The following KANK1 variants were observed in gnomAD, a reference collection of about 807,000 sequenced individuals.
KANK1 encodes KN motif and ankyrin repeat domains 1, also known as KN motif and ankyrin repeat domain-containing protein 1.
Under a neutral mutation model 106.2 loss-of-function variants are expected in KANK1, and 109 were observed. That is an observed-to-expected ratio of 1.03 (90% CI 0.88 to 1.20). The LOEUF (loss-of-function observed/expected upper bound fraction) is 1.20, where lower values mean the gene tolerates loss of function less well. Ranked by LOEUF, KANK1 falls within the 50% of genes most tolerant of loss-of-function variation. The pLI is 0.00. For missense variants in KANK1, 2,399 were observed against 1,710.7 expected (o/e 1.40, Z -7.10); for synonymous variants, 873 against 652.2 (o/e 1.34, Z -5.16).
chr9:579,367 A>G (rs1460159733), intron 1 of KANK1, among the ~76,000 whole-genome samples: 2 of 152,186 alleles, frequency 1.3e-5, no homozygotes, highest in African/African-American at 4.8e-5. Context: ...AGTCCTCCCC[A>G]AAATCCAGGA....
rs779591869 is a variant in KANK1 at position 713,157 on chromosome 9, G to A, written c.2391G>A (p.Val797=). 20 of 1,591,018 alleles carry A rather than the reference G, an allele frequency of 1.3e-5. No homozygotes were observed. Among genetic ancestry groups the A allele is most frequent in the Non-Finnish European group, 1.6e-5 (19 of 1,167,584 alleles). ...TVGLTASRRS[V]GVGDDPVGES... ...GGCTGACAGCCAGCAGAAGGAGCGTGGGGGTTGGGGATGACCCTGTAGGGG... is the reference window on the plus strand; with the variant it reads ...GGCTGACAGCCAGCAGAAGGAGCGTAGGGGTTGGGGATGACCCTGTAGGGG... Residue 797 remains valine, a synonymous_variant, in exon 3 of 12, where the codon GTG becomes GTA. Transcript: ENST00000382297.
At chr9:627,416 C>A (rs1219032908) in intron 1 of KANK1, among the ~76,000 whole-genome samples, 1 of 152,098 alleles carries the variant, frequency 6.6e-6, no homozygotes, top group Non-Finnish European at 1.5e-5. Flanking sequence ...CCCCCTCCCA[C>A]TGGAAGCATT....
intron 1 of KANK1, among the ~76,000 whole-genome samples, chr9:552,325 G>A (rs1270313811): frequency 6.6e-6 from 1 of 152,126 alleles, no homozygotes; most frequent in South Asian, 2.1e-4. Context: ...GAGGTTCCAA[G>A]GACCTGCCTA....
chr9:693,808 A>G (rs1348809458), intron 2 of KANK1: 1 of 985,248 alleles, frequency 1.0e-6, no homozygotes, highest in Non-Finnish European at 1.2e-6. Flanking sequence ...TGCCCACAAA[A>G]GAAAGAGAGG....
chr9:559,564 C>G (rs901986245), intron 1 of KANK1, among the ~76,000 whole-genome samples: 1 of 152,140 alleles, frequency 6.6e-6, no homozygotes, highest in Non-Finnish European at 1.5e-5. Context: ...GCTGTATAAA[C>G]CTTAAACCTC....
At chr9:665,895 A>G (rs1264546027) in intron 1 of KANK1, among the ~76,000 whole-genome samples, 2 of 152,260 alleles carry the variant, frequency 1.3e-5, no homozygotes, top group East Asian at 3.9e-4. Context: ...ATTGATTCTC[A>G]GGGGCCAGGC....
chr9:704,989 T>C (rs1279912429), intron 2 of KANK1, among the ~76,000 whole-genome samples: 1 of 66,478 alleles, frequency 1.5e-5, no homozygotes, highest in Non-Finnish European at 2.7e-5. Context: ...TCGGACCCTG[T>C]CTCAAAAAAA....
rs1383632034 is a variant in KANK1 at position 525,286 on chromosome 9, C to T, written c.-84+20532C>T. Among the ~76,000 whole-genome samples, 3 of 151,512 alleles carry T rather than the reference C, an allele frequency of 2.0e-5. No individual in the cohort carries two copies. The East Asian group carries it at 5.8e-4, about 29-fold the overall frequency. ...CTGGGATTACAGGCGTGAGCTACTG[C>T]TCCCAGCCAACTCTTGCTTCTTAAA... On this transcript the variant is annotated intron_variant, in intron 1 of 11. Coordinates refer to ENST00000382297, the MANE Select transcript of KANK1 (RefSeq NM_015158.5).
intron 1 of KANK1, among the ~76,000 whole-genome samples, chr9:608,998 T>C (rs551949536): frequency 2.6e-5 from 4 of 152,310 alleles, no homozygotes; most frequent in African/African-American, 7.2e-5. Flanking sequence ...ACTGCTGATA[T>C]CCTTCCTTGT....
At chr9:620,412 T>A (rs946561651) in intron 1 of KANK1, among the ~76,000 whole-genome samples, 1 of 152,086 alleles carries the variant, frequency 6.6e-6, no homozygotes, top group Non-Finnish European at 1.5e-5. Flanking sequence ...ATAATTTTTT[T>A]TTTTGGAACG....
At chr9:732,204 T>G in intron 5 of KANK1, 174 bp from the exon 6 acceptor site, 1 of 651,450 alleles carries the variant, frequency 1.5e-6, no homozygotes, top group South Asian at 2.2e-5. Context: ...TAAGTTAGAG[T>G]CCATTCAAAA....
chr9:579,871 GACAGTGA>G (rs1263159183), intron 1 of KANK1, among the ~76,000 whole-genome samples: 1 of 152,168 alleles, frequency 6.6e-6, no homozygotes, highest in Non-Finnish European at 1.5e-5. Context: ...CCTCAGGCCA[GACAGTGA>G]ATCAGTCCTG....
intron 1 of KANK1, among the ~76,000 whole-genome samples, chr9:643,742 G>T (rs1454458340): frequency 2.7e-5 from 4 of 149,896 alleles, no homozygotes; most frequent in African/African-American, 7.6e-5. Context: ...TCGCTCTGTT[G>T]CCCAGGCTGG....
chr9:637,953 A>T (rs182554690), intron 1 of KANK1, among the ~76,000 whole-genome samples: 1 of 152,092 alleles, frequency 6.6e-6, no homozygotes, highest in Non-Finnish European at 1.5e-5. Context: ...TCTTTATTCC[A>T]CTGTGCCATG....
At chr9:671,996 T>C (rs187376385) in intron 1 of KANK1, among the ~76,000 whole-genome samples, 5 of 152,046 alleles carry the variant, frequency 3.3e-5, no homozygotes. Flanking sequence ...CTTTCTTATC[T>C]AAAAAGGATT....
chr9:556,198 TAATA>T (rs952736531), intron 1 of KANK1, among the ~76,000 whole-genome samples: 3 of 152,234 alleles, frequency 2.0e-5, no homozygotes, highest in African/African-American at 7.2e-5. Flanking sequence ...CTATTTCTGA[TAATA>T]AACCTCAAAA....
At chr9:543,384 C>T (rs1183420449) in intron 1 of KANK1, among the ~76,000 whole-genome samples, 3 of 151,648 alleles carry the variant, frequency 2.0e-5, no homozygotes, top group Non-Finnish European at 4.4e-5. Context: ...GGTGAAACCC[C>T]ATGTCTATTA....
intron 8 of KANK1, 60 bp downstream of exon 8, chr9:738,564 C>A: frequency 7.3e-7 from 1 of 1,362,144 alleles, no homozygotes; most frequent in Non-Finnish European, 1.0e-6. Context: ...TGACTCATCT[C>A]AGAGAACCTG....
At chr9:729,806 C>A (rs147683083) in intron 3 of KANK1, among the ~76,000 whole-genome samples, 1 of 152,064 alleles carries the variant, frequency 6.6e-6, no homozygotes, top group Non-Finnish European at 1.5e-5. Flanking sequence ...GACTAGAAAC[C>A]AAGGCTATGA....
Sources: gnomAD v4.1 joint callset for allele counts (sites outside exome capture counted in the v4.1 genomes callset) on GRCh38, gnomAD v4.1.1 for gene constraint, MANE v1.5 for transcripts, NCBI Gene and HGNC (gene_info 2026-07-23, HGNC 2026-07-21) for gene names.